Variants in RXRA observed in about 807,000 individuals in gnomAD.
RXRA encodes retinoid X receptor alpha.
A neutral mutation model predicts 44.5 loss-of-function variants in RXRA; 5 were observed. That is an observed-to-expected ratio of 0.11 (90% CI 0.06 to 0.24). The LOEUF (loss-of-function observed/expected upper bound fraction) is 0.24. Among genes scored for constraint, RXRA ranks in the 10% least tolerant of loss-of-function variants. The pLI is 1.00. For missense variants in RXRA, 412 were observed against 646.5 expected (o/e 0.64, Z 3.93); for synonymous variants, 291 against 271.4 (o/e 1.07, Z -0.71).
intron 1 of RXRA, among the ~76,000 whole-genome samples, chr9:134,364,887 T>C (rs936170670): frequency 2.0e-5 from 3 of 152,230 alleles, no homozygotes; most frequent in African/African-American, 7.2e-5. Flanking sequence ...AGGCTGGGGC[T>C]GGCCTCTCGG....
rs375638162 is a variant in RXRA, at chr9:134,429,255, G to T, written c.1043+15G>T. 2 of 1,608,720 alleles carry T rather than the reference G, an allele frequency of 1.2e-6. No individual in the cohort carries two copies. The highest frequency in any genetic ancestry group is 1.1e-5 in the South Asian group (1 of 90,990). ...ATCTTTGACAGGTGGGGGTGGTCCC[G>T]GGAGGGGCGAGGGCGCTTCGGTCAC... On this transcript the variant is annotated intron_variant, in intron 7 of 9. Transcript: ENST00000481739.
rs1011997482 is a variant in RXRA, at chr9:134,417,076, G to A, written c.611-82G>A. ...TTGTGGGTGAGTTGGCTGGGAGCTG[G>A]CACCACCCGGCCAGGACAGCCTTCC... On this transcript the variant is annotated intron_variant, in intron 4 of 9. Coordinates refer to ENST00000481739, the MANE Select transcript of RXRA (RefSeq NM_002957.6). The surrounding 1 kb of genome is among the most constrained non-coding windows in gnomAD (Gnocchi z 6.1). 2.0e-5 allele frequency: 29 copies of A among 1,454,536 alleles called. No homozygotes were observed. Among genetic ancestry groups the A allele is most frequent in the Non-Finnish European group, 2.4e-5 (26 of 1,084,286 alleles). The allele number at this position is 1,454,536 out of a possible 1,614,324, so 90.1% of individuals were successfully genotyped here.
intron 9 of RXRA, among the ~76,000 whole-genome samples, chr9:134,435,402 C>CCCCCCCCCCCCCCCCCCCCCA (rs1831602815): frequency 2.7e-5 from 4 of 147,060 alleles, no homozygotes; most frequent in Non-Finnish European, 3.0e-5. Flanking sequence ...CCCGCCCCCC[C>CCCCCCCCCCCCCCCCCCCCCA]ACTGGTCCCT....
In RXRA at chr9:134,398,660, C is replaced by T. The variant is rs534416697; in HGVS notation, c.29-2972C>T. The stretch of plus-strand genomic sequence containing the variant: ...CAGTCCCCTCCTCCAACTCAGTGTC[C>T]CCCTGACTCCCCAGTCTTCCCAGAT... On this transcript the variant is annotated intron_variant, in intron 1 of 9. Transcript: ENST00000481739. Among the ~76,000 whole-genome samples, 20 of 152,338 alleles carry T rather than the reference C, an allele frequency of 1.3e-4. No homozygotes were observed. The South Asian group carries it at 2.3e-3, about 17-fold the overall frequency.
At chr9:134,381,820 C>G (rs1830650818) in intron 1 of RXRA, among the ~76,000 whole-genome samples, 1 of 152,150 alleles carries the variant, frequency 6.6e-6, no homozygotes, top group Admixed American at 6.5e-5. Flanking sequence ...CAGGGGCGCA[C>G]TGCACCTTAG....
At chr9:134,402,047 G>T in intron 2 of RXRA, 165 bp downstream of exon 2, 1 of 642,242 alleles carries the variant, frequency 1.6e-6, no homozygotes, top group Non-Finnish European at 2.6e-6. Flanking sequence ...TGCCGTGGGG[G>T]TTTGAGCCCA....
intron 6 of RXRA, chr9:134,425,456 A>T (rs1407909030): frequency 1.0e-6 from 1 of 982,714 alleles, no homozygotes; most frequent in African/African-American, 1.8e-5. Flanking sequence ...CCTTCATCCC[A>T]GGCTGTTGCT....
chr9:134,416,136 T>A (rs896538073), intron 4 of RXRA, among the ~76,000 whole-genome samples: 4 of 152,108 alleles, frequency 2.6e-5, no homozygotes, highest in Non-Finnish European at 5.9e-5. Context: ...AAATTCCATC[T>A]GGGTCCTAGC....
chr9:134,361,662 C>T (rs190328081), intron 1 of RXRA, among the ~76,000 whole-genome samples: 1 of 152,322 alleles, frequency 6.6e-6, no homozygotes, highest in East Asian at 1.9e-4. Context: ...ATTTGTGTCT[C>T]CTAATTGCCG....
chr9:134,356,981 C>T (rs1830291435), intron 1 of RXRA, among the ~76,000 whole-genome samples: 1 of 152,226 alleles, frequency 6.6e-6, no homozygotes, highest in Admixed American at 6.5e-5. Context: ...CAGTGCTGGG[C>T]ACCCCCAGGA....
chr9:134,356,626 C>T (rs1564267951), intron 1 of RXRA, among the ~76,000 whole-genome samples: 1 of 152,248 alleles, frequency 6.6e-6, no homozygotes, highest in African/African-American at 2.4e-5. Flanking sequence ...GCCCGGTGCA[C>T]TGAGCACCTA....
intron 2 of RXRA, chr9:134,404,368 C>T (rs982498872): frequency 2.6e-5 from 4 of 152,496 alleles, no homozygotes; most frequent in African/African-American, 9.6e-5. Context: ...CTGAGCTGTC[C>T]CAAATCTCTT....
intron 4 of RXRA, among the ~76,000 whole-genome samples, chr9:134,411,702 G>C (rs896585122): frequency 1.3e-5 from 2 of 152,236 alleles, no homozygotes; most frequent in African/African-American, 4.8e-5. Flanking sequence ...TCAGAATGCT[G>C]CCGAGCGCTC....
chr9:134,366,069 C>G lies in RXRA; in HGVS notation c.29-35563C>G, dbSNP rs904310257. 2.6e-5 allele frequency among the ~76,000 whole-genome samples: 4 copies of G among 152,152 alleles called. No individual in the cohort carries two copies. Among genetic ancestry groups the G allele is most frequent in the Non-Finnish European group, 5.9e-5 (4 of 68,018 alleles). On this transcript the variant is annotated intron_variant, in intron 1 of 9. Coordinates refer to ENST00000481739, the MANE Select transcript of RXRA (RefSeq NM_002957.6). This position sits in a 1 kb window ranked among gnomAD's most constrained non-coding sequence, Gnocchi z 5.9. ...CTTTTTGGGAGGTGGGGCTTGGCAT[C>G]TTCAGCATCTCTCGTGCCTCAGTAA... is the stretch of plus-strand genomic sequence containing the variant.
intron 1 of RXRA, among the ~76,000 whole-genome samples, chr9:134,336,105 G>A (rs571044904): frequency 1.6e-4 from 25 of 152,278 alleles, no homozygotes; most frequent in African/African-American, 4.1e-4. Flanking sequence ...GCAGGGAGGC[G>A]GGGCCTTCGT....
At chr9:134,379,681 G>C (rs756226989) in intron 1 of RXRA, 341 of 985,300 alleles carry the variant, frequency 3.5e-4, no homozygotes, top group Non-Finnish European at 3.1e-4. Context: ...TAGCAGGACA[G>C]CCCCAGTATG....
At chr9:134,380,581 G>A (rs112391598) in intron 1 of RXRA, among the ~76,000 whole-genome samples, 18 of 152,186 alleles carry the variant, frequency 1.2e-4, no homozygotes, top group African/African-American at 1.4e-4. Flanking sequence ...ACTGGACTTG[G>A]GAAGGGTTGG....
At chr9:134,424,233 C>T in intron 6 of RXRA, 1 of 985,418 alleles carries the variant, frequency 1.0e-6, no homozygotes, top group Non-Finnish European at 1.2e-6. Context: ...CCCCGCAAGG[C>T]CCTTCCCTTA....
intron 1 of RXRA, among the ~76,000 whole-genome samples, chr9:134,367,930 C>A (rs1830434152): frequency 6.6e-6 from 1 of 152,274 alleles, no homozygotes; most frequent in Admixed American, 6.5e-5. Flanking sequence ...CCAGAGCTGC[C>A]TGACAGCAGC....
Sources: allele counts gnomAD v4.1 joint callset (sites outside exome capture counted in the v4.1 genomes callset), GRCh38; gene constraint gnomAD v4.1.1; non-coding constraint Gnocchi (gnomAD v3.1); transcripts MANE v1.5; gene names NCBI Gene and HGNC (gene_info 2026-07-23, HGNC 2026-07-21).